Variants in IFT52 observed in about 807,000 individuals in gnomAD.
IFT52 encodes the protein intraflagellar transport protein 52 homolog.
Under a neutral mutation model 54.4 loss-of-function variants are expected in IFT52, and 44 were observed. The ratio of observed to expected loss-of-function variants is 0.81; its 90% CI spans 0.63 to 1.04. The LOEUF is 1.04. Ranked by LOEUF, IFT52 falls within the 50% of genes least tolerant of loss-of-function variation. IFT52 has a pLI of 0.00. For missense variants in IFT52, 452 were observed against 523.6 expected (o/e 0.86, Z 1.33); for synonymous variants, 181 against 185.3 (o/e 0.98, Z 0.19).
At chr20:43,612,537 A>T (rs1489423866) in intron 6 of IFT52, among the ~76,000 whole-genome samples, 1 of 152,004 alleles carries the variant, frequency 6.6e-6, no homozygotes, top group Admixed American at 6.6e-5. Flanking sequence ...TACAAAAAAT[A>T]TAAAAATTAG....
rs1411151773 is a variant in IFT52, at chr20:43,645,418, G to A, written c.1267-1518G>A. On this transcript the variant is annotated intron_variant, in intron 13 of 13. Coordinates refer to ENST00000373030, the MANE Select transcript of IFT52 (RefSeq NM_016004.5). ...TAAAAATACAAAAAATTAGCCGGCC[G>A]TGTTGGCGGGTGCCCATAGTCCCAG... 1.3e-4 allele frequency among the ~76,000 whole-genome samples: 7 copies of A among 55,238 alleles called. 3 individuals are homozygous for A. The highest frequency in any genetic ancestry group is 3.7e-4 in the African/African-American group (7 of 18,864). 36.2% of individuals were successfully genotyped at this position (55,238 alleles called of 152,430 possible). A position where few individuals can be genotyped will look rare whatever the true frequency, so the allele number is the denominator to read the frequency against.
At chr20:43,620,123 G>T (rs1488498699) in intron 8 of IFT52, among the ~76,000 whole-genome samples, 1 of 151,538 alleles carries the variant, frequency 6.6e-6, no homozygotes, top group African/African-American at 2.4e-5. Flanking sequence ...CACTATGTTG[G>T]CCAGGCTGGT....
At chr20:43,602,075 TACAGAAAC>T (rs1982490998) in intron 3 of IFT52, among the ~76,000 whole-genome samples, 2 of 152,180 alleles carry the variant, frequency 1.3e-5, no homozygotes, top group Admixed American at 6.5e-5. Flanking sequence ...TCCACATTTC[TACAGAAAC>T]ACAGAAAAGA....
chr20:43,637,503 T>C (rs1985627332), intron 12 of IFT52, among the ~76,000 whole-genome samples: 1 of 152,224 alleles, frequency 6.6e-6, no homozygotes, highest in Non-Finnish European at 1.5e-5. Context: ...CCTCAGGCGA[T>C]CAGCCCGCCT....
chr20:43,629,849 G>A (rs1448570064), intron 10 of IFT52, among the ~76,000 whole-genome samples: 2 of 152,164 alleles, frequency 1.3e-5, no homozygotes, highest in African/African-American at 2.4e-5. Flanking sequence ...ACCACAGTGA[G>A]GCTGTTATCT....
At position 43,642,545 on chromosome 20, in the gene IFT52, T is replaced by C. The variant is rs760290812; in HGVS notation, c.1187T>C (p.Leu396Pro). The C allele has an allele frequency of 6.2e-7, 1 of 1,614,124 alleles. No homozygotes were observed. The highest frequency in any genetic ancestry group is 1.1e-5 in the South Asian group (1 of 91,082). Residue 396 changes from leucine to proline, a missense_variant, in exon 13 of 14, where the codon CTA (leucine) becomes CCA (proline). By Grantham distance (98) the Leu-to-Pro change is moderately conservative. Coordinates refer to ENST00000373030, the MANE Select transcript of IFT52 (RefSeq NM_016004.5). ...GATATTCTTGGAGTAACCAGTAAAC[T>C]ACCAAAGGACCAACAGGATGCCAAA... ...CGDILGVTSK[L>P]PKDQQDAKHI...
At chr20:43,630,713 C>T (rs1049312133) in intron 10 of IFT52, among the ~76,000 whole-genome samples, 6 of 152,138 alleles carry the variant, frequency 3.9e-5, no homozygotes, top group Non-Finnish European at 5.9e-5. Context: ...GTGGTGAAAA[C>T]GCAGTGCCAG....
chr20:43,634,635 G>A (rs1985396717), intron 10 of IFT52, among the ~76,000 whole-genome samples: 1 of 151,748 alleles, frequency 6.6e-6, no homozygotes, highest in African/African-American at 2.4e-5. Flanking sequence ...ATTATTTTAT[G>A]AGGTGTTTTT....
chr20:43,628,805 C>T (rs566016428), intron 10 of IFT52, among the ~76,000 whole-genome samples: 41 of 151,794 alleles, frequency 2.7e-4, no homozygotes, highest in African/African-American at 7.5e-4. Flanking sequence ...GAGCCGAGAT[C>T]GCGCCACTGC....
chr20:43,602,349 A>C (rs1318522209), intron 3 of IFT52, among the ~76,000 whole-genome samples: 1 of 151,834 alleles, frequency 6.6e-6, no homozygotes, highest in Admixed American at 6.6e-5. Context: ...TTTAGTAGAC[A>C]CGGGGTTTCA....
At chr20:43,621,519 G>A (rs1984302435) in intron 9 of IFT52, among the ~76,000 whole-genome samples, 1 of 152,120 alleles carries the variant, frequency 6.6e-6, no homozygotes, top group Admixed American at 6.5e-5. Flanking sequence ...CTGTAGTGTA[G>A]TGGCACAATC....
intron 12 of IFT52, among the ~76,000 whole-genome samples, chr20:43,641,466 G>A (rs185694182): frequency 7.9e-5 from 12 of 151,580 alleles, no homozygotes; most frequent in Non-Finnish European, 1.2e-4. Flanking sequence ...TCGAACTCCC[G>A]GCCTCAGATG....
At chr20:43,636,280 G>T (rs1413008790) in intron 11 of IFT52, among the ~76,000 whole-genome samples, 1 of 152,184 alleles carries the variant, frequency 6.6e-6, no homozygotes, top group Non-Finnish European at 1.5e-5. Context: ...GGGTTGGAGG[G>T]CATATATGAG....
intron 7 of IFT52, 33 bp from the exon 8 acceptor site, chr20:43,618,907 T>C: frequency 6.8e-7 from 1 of 1,468,378 alleles, no homozygotes; most frequent in South Asian, 1.1e-5. Flanking sequence ...CACTTTCGGA[T>C]TTGAGTATCT....
At chr20:43,612,339 T>C (rs1012595341) in intron 6 of IFT52, among the ~76,000 whole-genome samples, 9 of 152,030 alleles carry the variant, frequency 5.9e-5, no homozygotes, top group Non-Finnish European at 1.3e-4. Context: ...TTCTCTTTCA[T>C]AGTATGACAA....
intron 12 of IFT52, among the ~76,000 whole-genome samples, chr20:43,639,354 A>G (rs1985757919): frequency 6.6e-6 from 1 of 152,100 alleles, no homozygotes; most frequent in South Asian, 2.1e-4. Flanking sequence ...CTTGGACAAC[A>G]TAATGAGACC....
chr20:43,592,804 G>T (rs1981636314), intron 1 of IFT52, among the ~76,000 whole-genome samples: 1 of 152,144 alleles, frequency 6.6e-6, no homozygotes, highest in South Asian at 2.1e-4. Context: ...TTTGTTTAAT[G>T]ATCAATTAGA....
At chr20:43,612,808 C>T (rs1421370206) in intron 6 of IFT52, among the ~76,000 whole-genome samples, 2 of 152,198 alleles carry the variant, frequency 1.3e-5, no homozygotes, top group Non-Finnish European at 2.9e-5. Flanking sequence ...AGGAACCCCT[C>T]ATGGGTGCTT....
At chr20:43,632,469 C>T (rs1006061623) in intron 10 of IFT52, among the ~76,000 whole-genome samples, 7 of 152,084 alleles carry the variant, frequency 4.6e-5, no homozygotes, top group African/African-American at 1.7e-4. Flanking sequence ...CCATGTTGGC[C>T]AGGCTGGCCT....
Sources: gnomAD v4.1 joint callset for allele counts (sites outside exome capture counted in the v4.1 genomes callset) on GRCh38, gnomAD v4.1.1 for gene constraint, MANE v1.5 for transcripts, NCBI Gene and HGNC (gene_info 2026-07-23, HGNC 2026-07-21) for gene names.